CDK8: variants seen among roughly 807,000 people sequenced by gnomAD.
The protein encoded by CDK8 is cyclin dependent kinase 8.
A neutral mutation model predicts 71.5 loss-of-function variants in CDK8; 29 were observed. That is an observed-to-expected ratio of 0.41 (90% CI 0.30 to 0.55). The LOEUF (loss-of-function observed/expected upper bound fraction) is 0.55, where lower values mean the gene tolerates loss of function less well. CDK8 is among the 20% of genes least tolerant of loss of function. The probability of loss-of-function intolerance (pLI) is 0.37; values close to 1 mark genes in which losing one functional copy is unlikely to be tolerated. For synonymous variants in CDK8, 161 were observed against 192.1 expected, an observed-to-expected ratio of 0.84 and a Z score of 1.34; for missense variants, 288 against 572.6, an observed-to-expected ratio of 0.50 and a Z score of 5.07.
chr13:26,375,054 A>T (rs1365695908), intron 4 of CDK8, among the ~76,000 whole-genome samples: 1 of 152,172 alleles, frequency 6.6e-6, no homozygotes, highest in Non-Finnish European at 1.5e-5. Context: ...GTAATTTTGT[A>T]AAGATTCTAT....
At chr13:26,309,352 G>T (rs1874182325) in intron 1 of CDK8, among the ~76,000 whole-genome samples, 1 of 152,062 alleles carries the variant, frequency 6.6e-6, no homozygotes, top group Non-Finnish European at 1.5e-5. Context: ...TGTTAGCTAG[G>T]ATGGTCTCGA....
chr13:26,376,253 T>G (rs950090979), intron 4 of CDK8, among the ~76,000 whole-genome samples: 2 of 151,676 alleles, frequency 1.3e-5, no homozygotes, highest in African/African-American at 4.9e-5. Context: ...AGAAAGGAAC[T>G]ATTTTGAAAG....
At chr13:26,363,597 T>C (rs57504707) in intron 4 of CDK8, among the ~76,000 whole-genome samples, 8,858 of 152,100 alleles carry the variant, frequency 0.058, 860 homozygotes, top group African/African-American at 0.2. Flanking sequence ...CTTGGGCTCT[T>C]GGGCTCAAGC....
intron 4 of CDK8, among the ~76,000 whole-genome samples, chr13:26,364,704 A>G (rs746004391): frequency 5.3e-5 from 8 of 152,214 alleles, no homozygotes; most frequent in Non-Finnish European, 1.0e-4. Context: ...GCTCACATGT[A>G]ATGTTCATTG....
intron 1 of CDK8, among the ~76,000 whole-genome samples, chr13:26,332,306 G>A (rs572881685): frequency 4.6e-5 from 7 of 151,864 alleles, no homozygotes; most frequent in African/African-American, 1.4e-4. Flanking sequence ...ACCAACAAGT[G>A]AAACCCTATC....
At chr13:26,358,948 G>C in intron 4 of CDK8, 1 of 215,758 alleles carries the variant, frequency 4.6e-6, no homozygotes, top group Non-Finnish European at 9.8e-6. Context: ...GGTCACTTGA[G>C]TCCAGGAGTT....
At chr13:26,261,627 A>G (rs540469299) in intron 1 of CDK8, among the ~76,000 whole-genome samples, 1 of 152,342 alleles carries the variant, frequency 6.6e-6, no homozygotes, top group South Asian at 2.1e-4. Context: ...CATGTGGTAC[A>G]TGTATCAGTA....
intron 1 of CDK8, among the ~76,000 whole-genome samples, chr13:26,319,815 A>C (rs1874686327): frequency 6.6e-6 from 1 of 152,196 alleles, no homozygotes; most frequent in East Asian, 1.9e-4. Context: ...CCCAATTTCA[A>C]AATTTATTAC....
intron 1 of CDK8, among the ~76,000 whole-genome samples, chr13:26,258,371 CT>C (rs550946038): frequency 1.4e-3 from 207 of 152,156 alleles, no homozygotes; most frequent in African/African-American, 4.6e-3. Flanking sequence ...CTTCAATAAA[CT>C]GGTGTACTTT....
intron 2 of CDK8, among the ~76,000 whole-genome samples, chr13:26,340,574 T>A (rs985532054): frequency 1.3e-5 from 2 of 152,180 alleles, no homozygotes; most frequent in African/African-American, 2.4e-5. Flanking sequence ...TTCCCATGTT[T>A]TCTGGCAAGT....
chr13:26,367,502 T>C (rs1874446257), intron 4 of CDK8, among the ~76,000 whole-genome samples: 3 of 152,166 alleles, frequency 2.0e-5, no homozygotes, highest in Admixed American at 1.3e-4. Flanking sequence ...TGGGAAGCAT[T>C]AACCTGTCTG....
chr13:26,345,599 T>G (rs1873431394), intron 2 of CDK8, among the ~76,000 whole-genome samples: 2 of 152,278 alleles, frequency 1.3e-5, no homozygotes, highest in Admixed American at 6.5e-5. Flanking sequence ...GCCAGGCTGG[T>G]CTTGAATTCC....
At chr13:26,293,290 T>A (rs1201146514) in intron 1 of CDK8, among the ~76,000 whole-genome samples, 1 of 152,128 alleles carries the variant, frequency 6.6e-6, no homozygotes. Flanking sequence ...GTGATAATAG[T>A]TTTAATTGAC....
At chr13:26,309,244 A>C (rs1400086010) in intron 1 of CDK8, among the ~76,000 whole-genome samples, 2 of 150,624 alleles carry the variant, frequency 1.3e-5, no homozygotes, top group African/African-American at 2.5e-5. Context: ...GGTTCACGCC[A>C]TTCTCCTGCC....
intron 1 of CDK8, among the ~76,000 whole-genome samples, chr13:26,271,804 GT>G: frequency 1.6e-5 from 1 of 64,400 alleles, no homozygotes; most frequent in South Asian, 6.1e-4. Context: ...GTGAGACCCT[GT>G]CTTTTTTTTT....
rs577193701 is a variant in CDK8 at position 26,327,431 on chromosome 13, A to C, written c.129-10136A>C. On this transcript the variant is annotated intron_variant, in intron 1 of 12. Transcript: ENST00000381527. Reference sequence around the variant, plus strand: ...TAAAATACGTTTTATTAGCTTTGTTATTCTGAATTTGGGACCTAAGTCTAG... The same window carrying C: ...TAAAATACGTTTTATTAGCTTTGTTCTTCTGAATTTGGGACCTAAGTCTAG... Among the ~76,000 whole-genome samples the C allele has an allele frequency of 3.9e-5, 6 of 152,274 alleles. No individual in the cohort carries two copies. In the East Asian group the frequency reaches 1.2e-3, roughly 29 times the overall value.
intron 4 of CDK8, among the ~76,000 whole-genome samples, chr13:26,365,705 A>G (rs908268229): frequency 3.3e-5 from 5 of 152,126 alleles, no homozygotes; most frequent in Admixed American, 1.3e-4. Flanking sequence ...TGTATTTTAC[A>G]TAACTCCTCC....
chr13:26,326,643 T>C (rs543870326), intron 1 of CDK8, among the ~76,000 whole-genome samples: 1 of 152,278 alleles, frequency 6.6e-6, no homozygotes, highest in Non-Finnish European at 1.5e-5. Flanking sequence ...TAGTTTGAGG[T>C]CTCTGGCTGG....
intron 12 of CDK8, among the ~76,000 whole-genome samples, chr13:26,403,374 A>G (rs1460104251): frequency 6.6e-6 from 1 of 152,100 alleles, no homozygotes; most frequent in African/African-American, 2.4e-5. Flanking sequence ...TTAGCTGAGC[A>G]TGGAGGTGCA....
Sources: allele counts gnomAD v4.1 joint callset (sites outside exome capture counted in the v4.1 genomes callset), GRCh38; gene constraint gnomAD v4.1.1; transcripts MANE v1.5; gene names NCBI Gene and HGNC (gene_info 2026-07-23, HGNC 2026-07-21).